PDK1: variants seen among roughly 807,000 people sequenced by gnomAD.
The protein encoded by PDK1 is [Pyruvate dehydrogenase (acetyl-transferring)] kinase isozyme 1, mitochondrial.
A neutral mutation model predicts 54.2 loss-of-function variants in PDK1; 39 were observed. The observed-to-expected ratio is 0.72, with a 90% CI of 0.56 to 0.94. PDK1 has a LOEUF of 0.94. Among genes scored for constraint, PDK1 ranks in the 40% least tolerant of loss-of-function variants. The pLI is 0.00. For synonymous variants in PDK1, 221 were observed against 207.1 expected, an observed-to-expected ratio of 1.07 and a Z score of -0.58; for missense variants, 552 against 566.0, an observed-to-expected ratio of 0.98 and a Z score of 0.25.
the PDK1 span, among the ~76,000 whole-genome samples, chr2:172,635,076 TAA>T: frequency 6.6e-6 from 1 of 152,218 alleles, no homozygotes; most frequent in Non-Finnish European, 1.5e-5. Context: ...TATATGTGTT[TAA>T]GTCTACAATA....
chr2:172,700,480 CA>C, the PDK1 span, among the ~76,000 whole-genome samples: 2 of 151,372 alleles, frequency 1.3e-5, no homozygotes, highest in African/African-American at 2.4e-5. Flanking sequence ...ACTTCCTAGA[CA>C]GGATGACGGC....
At chr2:172,662,008 T>C in the PDK1 span, among the ~76,000 whole-genome samples, 6 of 152,194 alleles carry the variant, frequency 3.9e-5, no homozygotes, top group Non-Finnish European at 7.3e-5. Context: ...TTAATGCAGA[T>C]TATACATGTG....
At chr2:172,682,717 T>C in the PDK1 span, among the ~76,000 whole-genome samples, 6 of 152,186 alleles carry the variant, frequency 3.9e-5, no homozygotes, top group African/African-American at 1.4e-4. Flanking sequence ...TACTGAGATT[T>C]GGAGGTACTT....
At chr2:172,648,604 G>C in the PDK1 span, among the ~76,000 whole-genome samples, 1 of 152,126 alleles carries the variant, frequency 6.6e-6, no homozygotes, top group Non-Finnish European at 1.5e-5. Context: ...CATGACAGAT[G>C]GTACCTGGAA....
At chr2:172,609,000 T>C (rs1175809873), downstream of PDK1, among the ~76,000 whole-genome samples, 1 of 152,196 alleles carries the variant, frequency 6.6e-6, no homozygotes, top group Non-Finnish European at 1.5e-5. Context: ...CCCAAATCAA[T>C]GAAGATAAAC....
chr2:172,647,400 A>G, the PDK1 span, among the ~76,000 whole-genome samples: 3 of 152,230 alleles, frequency 2.0e-5, no homozygotes, highest in African/African-American at 4.8e-5. Context: ...TGCTGAAAAG[A>G]GAGAAGCTGT....
chr2:172,679,770 C>CAAAACA, the PDK1 span, among the ~76,000 whole-genome samples: 9 of 151,840 alleles, frequency 5.9e-5, no homozygotes, highest in Non-Finnish European at 1.3e-4. Context: ...AGAATGGAAG[C>CAAAACA]AAAACAGAAA....
the PDK1 span, chr2:172,724,046 C>T: frequency 1.3e-5 from 2 of 152,140 alleles, no homozygotes; most frequent in Non-Finnish European, 2.9e-5. Context: ...ATAATGACTA[C>T]TTTTAATAAC....
chr2:172,681,394 G>A, the PDK1 span, among the ~76,000 whole-genome samples: 253 of 152,336 alleles, frequency 1.7e-3, no homozygotes, highest in African/African-American at 5.8e-3. Context: ...CAGTTAATTA[G>A]TGTTCTCTTT....
intron 6 of PDK1, among the ~76,000 whole-genome samples, chr2:172,567,449 T>C (rs1443361508): frequency 1.3e-5 from 2 of 152,224 alleles, no homozygotes; most frequent in Non-Finnish European, 2.9e-5. Flanking sequence ...GAAGAGGGAT[T>C]GATGAGTCTC....
chr2:172,576,148 G>A (rs1273010037), intron 8 of PDK1, among the ~76,000 whole-genome samples: 2 of 151,966 alleles, frequency 1.3e-5, no homozygotes, highest in African/African-American at 2.4e-5. Flanking sequence ...GGATGGTTTC[G>A]ATCTCCTGAC....
chr2:172,691,140 A>G, the PDK1 span, among the ~76,000 whole-genome samples: 1 of 150,356 alleles, frequency 6.7e-6, no homozygotes, highest in African/African-American at 2.4e-5. Flanking sequence ...GAGCACTTTT[A>G]GGCTCTCAGA....
chr2:172,691,118 G>A, the PDK1 span, among the ~76,000 whole-genome samples: 1 of 150,402 alleles, frequency 6.6e-6, no homozygotes, highest in East Asian at 2.1e-4. Context: ...TTTTAAAAGC[G>A]ACTAGCTTTT....
the PDK1 span, among the ~76,000 whole-genome samples, chr2:172,636,487 A>T: frequency 2.0e-5 from 3 of 152,114 alleles, no homozygotes; most frequent in Non-Finnish European, 4.4e-5. Context: ...TGGGAGGCTG[A>T]GGTGGGTGGA....
chr2:172,567,967 T>C (rs939996478), intron 6 of PDK1, among the ~76,000 whole-genome samples: 6 of 152,258 alleles, frequency 3.9e-5, no homozygotes, highest in African/African-American at 1.4e-4. Context: ...TATTTTTTAT[T>C]CAGCTTTATA....
At chr2:172,711,865 C>CAAA in the PDK1 span, among the ~76,000 whole-genome samples, 103 of 22,752 alleles carry the variant, frequency 4.5e-3, 9 homozygotes, top group African/African-American at 8.9e-3. Flanking sequence ...GAACCTAGCT[C>CAAA]AAAAAAAAAA....
the PDK1 span, among the ~76,000 whole-genome samples, chr2:172,635,672 G>A: frequency 2.6e-5 from 4 of 152,176 alleles, no homozygotes; most frequent in African/African-American, 9.7e-5. Context: ...GAGCCTTACA[G>A]ACCCCGGGAG....
chr2:172,604,434 C>G lies in PDK1; in HGVS notation c.*8465C>G, dbSNP rs748760551. ...CTTTGTAGTTTTCAGCTTACAGATT[C>G]CGCGCATATTTTGTTAGACTTAAAT... is the stretch of plus-strand genomic sequence containing the variant. On this transcript the variant is annotated 3_prime_UTR_variant, in exon 11 of 11. Transcript: ENST00000282077. The G allele has an allele frequency of 6.6e-6, 1 of 152,134 alleles. No individual in the cohort carries two copies. The highest frequency in any genetic ancestry group is 1.9e-4 in the East Asian group (1 of 5,196). 9.4% of individuals were successfully genotyped at this position (152,134 alleles called of 1,614,324 possible).
chr2:172,650,363 C>G, the PDK1 span, among the ~76,000 whole-genome samples: 1 of 152,176 alleles, frequency 6.6e-6, no homozygotes, highest in Non-Finnish European at 1.5e-5. Context: ...CAACCGGTAC[C>G]AGCCACTGCA....
Sources: gnomAD v4.1 joint callset for allele counts (sites outside exome capture counted in the v4.1 genomes callset) on GRCh38, gnomAD v4.1.1 for gene constraint, MANE v1.5 for transcripts, NCBI Gene and HGNC (gene_info 2026-07-23, HGNC 2026-07-21) for gene names.